ROBO4: variants seen among roughly 807,000 people sequenced by gnomAD.
The protein encoded by ROBO4 is roundabout guidance receptor 4, also known as roundabout homolog 4.
In ROBO4, 80 loss-of-function variants were observed where a neutral mutation model predicts 103.3. That is an observed-to-expected ratio of 0.77 (90% CI 0.65 to 0.93). The LOEUF is 0.93. Among genes scored for constraint, ROBO4 ranks in the 40% least tolerant of loss-of-function variants. The probability of loss-of-function intolerance (pLI) is 0.00; values close to 1 mark genes in which losing one functional copy is unlikely to be tolerated. For missense variants in ROBO4, 1,333 were observed against 1,305.3 expected, an observed-to-expected ratio of 1.02 and a Z score of -0.33; for synonymous variants, 504 against 529.7, an observed-to-expected ratio of 0.95 and a Z score of 0.67.
At position 124,893,995 on chromosome 11, in the gene ROBO4, T is replaced by C; in HGVS notation, c.1369A>G (p.Thr457Ala). ...AAGGTAGCCCTCAGCTGCTCCAGGG[T>C]CCAGGGACCATGCTCACTGGGTTCT... is the stretch of plus-strand genomic sequence containing the variant. Reference protein sequence around the residue: ...TQEPSEHGPWTLEQLRATLKR... With the variant: ...TQEPSEHGPWALEQLRATLKR... Residue 457 changes from threonine to alanine, a missense_variant, in exon 9 of 18, where the codon ACC becomes GCC. Coordinates refer to ENST00000306534, the MANE Select transcript of ROBO4 (RefSeq NM_019055.6). 6.3e-7 allele frequency: 1 copy of C among 1,577,216 alleles called. No homozygotes were observed. Among genetic ancestry groups the C allele is most frequent in the South Asian group, 1.2e-5 (1 of 83,970 alleles).
Position 124,895,823 on chromosome 11 carries a change from C to G in ROBO4, c.769G>C (p.Gly257Arg). 6.2e-7 allele frequency: 1 copy of G among 1,614,142 alleles called. No homozygotes were observed. The highest frequency in any genetic ancestry group is 2.2e-5 in the East Asian group (1 of 44,876). Residue 257 changes from glycine (G) to arginine (R), a missense_variant, in exon 5 of 18, where the codon GGC (glycine) becomes CGC (arginine). Transcript: ENST00000306534. ...CACACCGCCGGTCTAGGCTTGGGGC[C>G]CTCTGCAGGATCCGGGTTCAGCAGT... is the stretch of plus-strand genomic sequence containing the variant. Reference protein sequence around the residue: ...VTLLNPDPAEGPKPRPAVWLS... With the variant: ...VTLLNPDPAERPKPRPAVWLS...
At chr11:124,892,649 T>C (rs189086956) in intron 10 of ROBO4, 346 of 154,510 alleles carry the variant, frequency 2.2e-3, no homozygotes, top group Middle Eastern at 3.4e-3. Context: ...CCATGTGTCT[T>C]GTACCTGCTT....
chr11:124,895,255 TG>T, intron 6 of ROBO4, 62 bp from the exon 7 acceptor site: 1 of 1,374,208 alleles, frequency 7.3e-7, no homozygotes, highest in South Asian at 1.2e-5. Context: ...GGAAAGGAGC[TG>T]GGCTGGGGGA....
intron 16 of ROBO4, among the ~76,000 whole-genome samples, chr11:124,885,507 T>C (rs1946697681): frequency 6.6e-6 from 1 of 152,018 alleles, no homozygotes; most frequent in South Asian, 2.1e-4. Flanking sequence ...CCCCATTCCC[T>C]GGGCATTCTT....
rs1433371506 is a variant in ROBO4, at chr11:124,896,689, G to A, written c.401-19C>T. 6.2e-7 allele frequency: 1 copy of A among 1,612,634 alleles called. No homozygotes were observed. Among genetic ancestry groups the A allele is most frequent in the East Asian group, 2.2e-5 (1 of 44,818 alleles). On this transcript the variant is annotated intron_variant, in intron 2 of 17. Transcript: ENST00000306534. The stretch of plus-strand genomic sequence containing the variant: ...CGGAGGACTGTGGGGAGGATGGAAG[G>A]TGACACGGAGCAGGGCCCAGGCCTC...
intron 1 of ROBO4, 93 bp from the exon 2 acceptor site, chr11:124,897,354 T>C (rs1946912640): frequency 9.9e-7 from 1 of 1,010,176 alleles, no homozygotes. Flanking sequence ...GTGTGCGAGT[T>C]TGCCAGAAAA....
In ROBO4 at chr11:124,896,996, GT is replaced by G; in HGVS notation, c.335del (p.Tyr112SerfsTer82). 1 of 1,614,112 alleles carries G rather than the reference GT, an allele frequency of 6.2e-7. No homozygotes were observed. The highest frequency in any genetic ancestry group is 8.5e-7 in the Non-Finnish European group (1 of 1,180,032). ...CAAGCCGGTTGCTGGCCTCACATGTGTAGACACCCAGGTCTGTGGACAGGGC... is the reference window on the plus strand; with the variant it reads ...CAAGCCGGTTGCTGGCCTCACATGTGAGACACCCAGGTCTGTGGACAGGGC... ...GQALSTDLGV[Y>X]TCEASNRLGT... On this transcript the variant is annotated frameshift_variant, in exon 2 of 18. Transcript: ENST00000306534. LOFTEE classifies it high-confidence loss of function.
chr11:124,892,876 G>A (rs1194234930), intron 10 of ROBO4: 1 of 152,618 alleles, frequency 6.6e-6, no homozygotes, highest in Non-Finnish European at 1.5e-5. Flanking sequence ...AGAAGCCAGT[G>A]AGCTCAGAAA....
rs770175251 is a variant in ROBO4 at position 124,885,103 on chromosome 11, G to A, written c.2939C>T (p.Pro980Leu). 1 of 1,614,086 alleles carries A rather than the reference G, an allele frequency of 6.2e-7. No individual in the cohort carries two copies. The highest frequency in any genetic ancestry group is 2.2e-5 in the East Asian group (1 of 44,872). ...QRLGRGMPPWPPDSQISSQRS... is the reference protein window; with the variant it reads ...QRLGRGMPPWLPDSQISSQRS... Reference sequence around the variant, plus strand: ...CTGGGAAGAGATCTGAGAGTCAGGGGGCCAGGGAGGCATCCCCCTTCCCAG... The same window carrying A: ...CTGGGAAGAGATCTGAGAGTCAGGGAGCCAGGGAGGCATCCCCCTTCCCAG... The change falls in exon 17 of 18, where the codon CCC (proline) becomes CTC (leucine). Residue 980 changes from proline (P) to leucine (L), a missense_variant. By Grantham distance (98) the Pro-to-Leu change is moderately conservative. Coordinates refer to ENST00000306534, the MANE Select transcript of ROBO4 (RefSeq NM_019055.6).
chr11:124,894,157 A>T, intron 8 of ROBO4, 44 bp downstream of exon 8: 1 of 1,572,700 alleles, frequency 6.4e-7, no homozygotes, highest in Non-Finnish European at 8.6e-7. Flanking sequence ...GGAAGGCGGG[A>T]TGCAGGCTGA....
At chr11:124,894,528 T>G in intron 7 of ROBO4, 159 bp from the exon 8 acceptor site, 1 of 642,446 alleles carries the variant, frequency 1.6e-6, no homozygotes, top group Non-Finnish European at 2.6e-6. Flanking sequence ...CCCTACCAAG[T>G]GAGAGATACC....
intron 6 of ROBO4, 43 bp from the exon 7 acceptor site, chr11:124,895,236 G>C (rs1239985437): frequency 2.0e-6 from 3 of 1,476,094 alleles, no homozygotes; most frequent in South Asian, 1.1e-5. Context: ...CTGAGGGAGA[G>C]GACTCTAGGG....
chr11:124,884,848 G>A lies in ROBO4; in HGVS notation c.*43C>T, dbSNP rs759580606. ...GCCCAGGTCTTGTGGGTGGACAGGA[G>A]AAGTGGTTCTGATTCCCGTCTGGGA... On this transcript the variant is annotated 3_prime_UTR_variant, in exon 18 of 18. Transcript: ENST00000306534. The A allele has an allele frequency of 5.6e-6, 9 of 1,612,304 alleles. No individual in the cohort carries two copies. Among genetic ancestry groups the A allele is most frequent in the South Asian group, 1.1e-5 (1 of 91,060 alleles).
At chr11:124,893,646 T>C in intron 10 of ROBO4, 42 bp downstream of exon 10, 1 of 1,595,582 alleles carries the variant, frequency 6.3e-7, no homozygotes, top group Non-Finnish European at 8.6e-7. Context: ...CACTGTCCCT[T>C]GCCACCCTCC....
chr11:124,893,572 A>T, intron 10 of ROBO4, 116 bp downstream of exon 10: 1 of 884,454 alleles, frequency 1.1e-6, no homozygotes. Context: ...GGAGAGATTC[A>T]TGTACGACAG....
At chr11:124,888,319 T>C (rs915387716) in intron 12 of ROBO4, among the ~76,000 whole-genome samples, 1 of 152,252 alleles carries the variant, frequency 6.6e-6, no homozygotes, top group African/African-American at 2.4e-5. Context: ...GGACAGAATC[T>C]ATTAATTTCC....
chr11:124,894,489 C>T, intron 7 of ROBO4, 120 bp from the exon 8 acceptor site: 1 of 953,018 alleles, frequency 1.0e-6, no homozygotes, highest in Non-Finnish European at 1.5e-6. Context: ...TTGGGGAATG[C>T]ACCCAATTTC....
At chr11:124,888,505 G>T (rs1008881926) in intron 12 of ROBO4, among the ~76,000 whole-genome samples, 1 of 152,216 alleles carries the variant, frequency 6.6e-6, no homozygotes. Flanking sequence ...AATAGGAAGA[G>T]GAACTTCAGA....
Position 124,894,529 on chromosome 11 carries a change from G to A in ROBO4, c.1150-160C>T, listed in dbSNP as rs542104249. 4.7e-6 allele frequency: 3 copies of A among 637,760 alleles called. No homozygotes were observed. In the South Asian group the frequency reaches 6.3e-5, roughly 13 times the overall value. 39.5% of individuals were successfully genotyped at this position (637,760 alleles called of 1,614,324 possible). A position where few individuals can be genotyped will look rare whatever the true frequency, so the allele number is the denominator to read the frequency against. On this transcript the variant is annotated intron_variant, in intron 7 of 17. Transcript: ENST00000306534. ...TCCCCTCCTATTCTCCCTACCAAGT[G>A]AGAGATACCTCTCTCTAGATCAACA...
Sources: allele counts gnomAD v4.1 joint callset (sites outside exome capture counted in the v4.1 genomes callset), GRCh38; gene constraint gnomAD v4.1.1; transcripts MANE v1.5; gene names NCBI Gene and HGNC (gene_info 2026-07-23, HGNC 2026-07-21).